ACOT9: variants seen among roughly 807,000 people sequenced by gnomAD.
ACOT9 encodes acyl-coenzyme A thioesterase 9, mitochondrial.
ACOT9 carries 34 observed loss-of-function variants against 39.7 expected under a neutral mutation model. The ratio of observed to expected loss-of-function variants is 0.86; its 90% confidence interval spans 0.65 to 1.14. ACOT9 has a LOEUF of 1.14. Ranked by LOEUF, ACOT9 falls within the 50% of genes most tolerant of loss-of-function variation. The pLI, the probability that ACOT9 is intolerant of heterozygous loss-of-function variation, is 0.00. For missense variants in ACOT9, 313 were observed against 344.1 expected (o/e 0.91, Z 0.71); for synonymous variants, 110 against 120.5 (o/e 0.91, Z 0.57).
intron 9 of ACOT9, among the ~76,000 whole-genome samples, chrX:23,712,142 G>A (rs1928917762): frequency 1.8e-5 from 2 of 111,454 alleles, no homozygotes; most frequent in Admixed American, 1.9e-4. Context: ...GCTCACGCCT[G>A]TAATCTCAAC....
Position 23,703,895 on chromosome X carries a change from T to A in ACOT9, c.1346A>T (p.Ter449LeuextTer6). 1 of 1,208,050 alleles carries A rather than the reference T, an allele frequency of 8.3e-7. No individual in the cohort carries two copies. The highest frequency in any genetic ancestry group is 1.7e-5 in the African/African-American group (1 of 57,685). ...TLRKDYLVEP* is the reference protein window; with the variant it reads ...TLRKDYLVEPL ...TAGTTTTCAACAAATGTGGTGTTCT[T>A]AGGGCTCCACAAGGTAGTCCTTTCT... Residue 449 changes from the stop codon to leucine, a stop_lost, in exon 16 of 16, where the codon TAA becomes TTA. Coordinates refer to ENST00000379303, the MANE Select transcript of ACOT9 (RefSeq NM_001037171.2).
chrX:23,730,602 A>G, intron 5 of ACOT9, 38 bp from the exon 6 acceptor site: 2 of 1,157,950 alleles, frequency 1.7e-6, no homozygotes, highest in Non-Finnish European at 2.4e-6. Context: ...AATGCAAATC[A>G]TGTTGGTCTC....
At chrX:23,721,696 C>T (rs937424446) in intron 8 of ACOT9, among the ~76,000 whole-genome samples, 185 bp downstream of exon 8, 22 of 112,174 alleles carry the variant, frequency 2.0e-4, no homozygotes, top group South Asian at 3.7e-4. Flanking sequence ...CCAAATAGTA[C>T]GTCAGGCTTT....
intron 8 of ACOT9, among the ~76,000 whole-genome samples, chrX:23,719,891 C>A (rs1328874243): frequency 2.7e-5 from 3 of 110,000 alleles, no homozygotes; most frequent in African/African-American, 1.0e-4. Context: ...GGCTGGAGAG[C>A]AGTGGTGTGA....
At chrX:23,725,086 A>G (rs368459989) in intron 6 of ACOT9, among the ~76,000 whole-genome samples, 32 of 111,746 alleles carry the variant, frequency 2.9e-4, no homozygotes, top group African/African-American at 9.7e-4. Flanking sequence ...TGCAACGTCA[A>G]CCCAAAAAAG....
intron 11 of ACOT9, 132 bp from the exon 12 acceptor site, chrX:23,705,990 C>T (rs968960640): frequency 3.0e-5 from 16 of 538,487 alleles, no homozygotes; most frequent in Middle Eastern, 5.8e-4. Context: ...TTAGGCCAGG[C>T]GCGGTGGCTC....
intron 10 of ACOT9, chrX:23,706,971 T>A (rs1447460573): frequency 7.1e-6 from 2 of 279,825 alleles, no homozygotes; most frequent in African/African-American, 2.8e-5. Context: ...CCTGCAGTTA[T>A]CCCATTGAGA....
intron 8 of ACOT9, among the ~76,000 whole-genome samples, chrX:23,714,380 C>T (rs1011513506): frequency 9.0e-6 from 1 of 111,387 alleles, no homozygotes; most frequent in Non-Finnish European, 1.9e-5. Flanking sequence ...AAGTTAAATA[C>T]AGGTTGAGCA....
intron 15 of ACOT9, 25 bp downstream of exon 15, chrX:23,704,669 G>C (rs1478238634): frequency 1.7e-6 from 2 of 1,199,135 alleles, no homozygotes; most frequent in African/African-American, 3.5e-5. Flanking sequence ...CCCTTTGTTA[G>C]GGACAAGCAA....
chrX:23,734,464 G>GT (rs762850482), intron 2 of ACOT9, 97 bp from the exon 3 acceptor site: 1 of 722,908 alleles, frequency 1.4e-6, no homozygotes, highest in South Asian at 3.0e-5. Context: ...GAGTTTATGT[G>GT]TTTTTCCTAG....
intron 6 of ACOT9, among the ~76,000 whole-genome samples, chrX:23,724,266 TAA>T (rs1929425431): frequency 9.0e-6 from 1 of 110,734 alleles, no homozygotes; most frequent in African/African-American, 3.3e-5. Flanking sequence ...TGTCTCAAAA[TAA>T]AAAGAGAATA....
rs113767043 is a variant in ACOT9 at position 23,711,024 on chromosome X, C to CA, written c.662+2110dup. 4.3e-3 allele frequency among the ~76,000 whole-genome samples: 447 copies of CA among 102,913 alleles called. 2 individuals are homozygous for CA. Among genetic ancestry groups the CA allele is most frequent in the African/African-American group, 5.5e-3 (156 of 28,522 alleles). The allele number at this position is 102,913 out of a possible 115,157, so 89.4% of individuals were successfully genotyped here. A position where few individuals can be genotyped will look rare whatever the true frequency, so the allele number is the denominator to read the frequency against. On this transcript the variant is annotated intron_variant, in intron 9 of 15. Coordinates refer to ENST00000379303, the MANE Select transcript of ACOT9 (RefSeq NM_001037171.2). ...CTTCATCTCAAAAAAAATAAAAAAACAAAAAAAAAACGGGCTGGGCGAAAT... is the reference window on the plus strand; with the variant it reads ...CTTCATCTCAAAAAAAATAAAAAAACAAAAAAAAAAACGGGCTGGGCGAAAT...
intron 15 of ACOT9, among the ~76,000 whole-genome samples, chrX:23,704,311 C>T (rs1373808954): frequency 1.9e-5 from 2 of 105,367 alleles, no homozygotes; most frequent in Admixed American, 1.0e-4. Flanking sequence ...GCTGGGACTA[C>T]AGGTGCCCGC....
rs1429857444 is a variant in ACOT9, at chrX:23,743,184, C to G, written c.-40G>C. The G allele has an allele frequency of 5.2e-6, 6 of 1,146,326 alleles. No individual in the cohort carries two copies. The East Asian group carries it at 1.0e-4, about 20-fold the overall frequency. The allele number at this position is 1,146,326 out of a possible 1,213,427, so 94.5% of individuals were successfully genotyped here. A position where few individuals can be genotyped will look rare whatever the true frequency, so the allele number is the denominator to read the frequency against. On this transcript the variant is annotated 5_prime_UTR_variant, in exon 1 of 16. Transcript: ENST00000379303. ...GTGCGCGCGATGGAGAACCGGGCCC[C>G]GCGCGCTAGTCGGCGGAGGGAAACT...
chrX:23,729,670 C>T (rs945117510), intron 6 of ACOT9, among the ~76,000 whole-genome samples: 3 of 112,044 alleles, frequency 2.7e-5, no homozygotes, highest in Admixed American at 9.5e-5. Context: ...CTCACTCTGT[C>T]GCCCAGGCTG....
intron 7 of ACOT9, 135 bp from the exon 8 acceptor site, chrX:23,722,119 C>T (rs980130120): frequency 1.8e-5 from 7 of 395,257 alleles, no homozygotes; most frequent in East Asian, 4.3e-5. Flanking sequence ...TTTTTTGACA[C>T]GCAGAAGAAA....
rs375503606 is a variant in ACOT9, at chrX:23,730,820, C to T, written c.358G>A (p.Val120Ile). The T allele has an allele frequency of 6.1e-5, 73 of 1,197,389 alleles. No individual in the cohort carries two copies. The highest frequency in any genetic ancestry group is 3.7e-4 in the African/African-American group (21 of 57,034). ...REKYLTVQNT[V>I]RFGRILEDLD... ...ATAAAAATAGCACTGTGTTACCTTACGGTGTTTTGAACAGTCAAATATTTC... is the reference window on the plus strand; with the variant it reads ...ATAAAAATAGCACTGTGTTACCTTATGGTGTTTTGAACAGTCAAATATTTC... The change falls in exon 5 of 16, where the codon GTA becomes ATA. Residue 120 changes from valine (V) to isoleucine (I), a missense_variant. Transcript: ENST00000379303.
rs149487819 is a variant in ACOT9 at position 23,714,768 on chromosome X, G to A, written c.589-1560C>T. Among the ~76,000 whole-genome samples the A allele has an allele frequency of 8.9e-3, 979 of 110,526 alleles. 12 individuals carry two copies. Among genetic ancestry groups the A allele is most frequent in the African/African-American group, 0.03 (924 of 30,422 alleles). On this transcript the variant is annotated intron_variant, in intron 8 of 15. Transcript: ENST00000379303. ...GCCTCCTGACTAGCTGACACCATAG[G>A]CATGCACCACCACACCCAGCTAATT...
chrX:23,723,310 T>C, intron 6 of ACOT9, among the ~76,000 whole-genome samples: 1 of 111,538 alleles, frequency 9.0e-6, no homozygotes, highest in East Asian at 2.8e-4. Flanking sequence ...TATCAACTCA[T>C]TTAAAGTCGT....
Sources: allele counts gnomAD v4.1 joint callset (sites outside exome capture counted in the v4.1 genomes callset), GRCh38; gene constraint gnomAD v4.1.1; transcripts MANE v1.5; gene names NCBI Gene and HGNC (gene_info 2026-07-23, HGNC 2026-07-21).